The following SNAP47 variants were observed in gnomAD, a reference collection of about 807,000 sequenced individuals.
SNAP47 encodes the protein synaptosome associated protein 47, also known as synaptosomal-associated protein 47.
A neutral mutation model predicts 31.4 loss-of-function variants in SNAP47; 20 were observed. The observed-to-expected ratio is 0.64, with a 90% CI of 0.45 to 0.93. The LOEUF (loss-of-function observed/expected upper bound fraction) is 0.93. Ranked by LOEUF, SNAP47 falls within the 40% of genes least tolerant of loss-of-function variation. The pLI is 0.00. For synonymous variants in SNAP47, 194 were observed against 213.4 expected, an observed-to-expected ratio of 0.91 and a Z score of 0.79; for missense variants, 492 against 528.5, an observed-to-expected ratio of 0.93 and a Z score of 0.68.
At chr1:227,744,621 GT>G in intron 1 of SNAP47, among the ~76,000 whole-genome samples, 1 of 150,962 alleles carries the variant, frequency 6.6e-6, no homozygotes, top group Non-Finnish European at 1.5e-5. Context: ...AGCTTTTGTG[GT>G]TAGGTGTTGT....
upstream of SNAP47, chr1:227,734,113 C>T (rs1397162035): frequency 1.3e-6 from 2 of 1,488,414 alleles, no homozygotes; most frequent in African/African-American, 2.8e-5. Flanking sequence ...GCAACTGAGA[C>T]CAATCGGCTC....
At chr1:227,735,799 A>G in intron 1 of SNAP47, 1 of 864,576 alleles carries the variant, frequency 1.2e-6, no homozygotes, top group Non-Finnish European at 1.4e-6. Flanking sequence ...AGGGTCCTGG[A>G]GGAGATGGTG....
chr1:227,769,504 A>T (rs1466765285), intron 4 of SNAP47, among the ~76,000 whole-genome samples: 1 of 152,082 alleles, frequency 6.6e-6, no homozygotes, highest in Non-Finnish European at 1.5e-5. Flanking sequence ...TGGGGAAAAT[A>T]AAAATGCACG....
intron 1 of SNAP47, among the ~76,000 whole-genome samples, chr1:227,739,734 A>G (rs951638491): frequency 3.3e-5 from 5 of 152,210 alleles, no homozygotes; most frequent in African/African-American, 4.8e-5. Context: ...GTGCTGAGCC[A>G]TCCCTGTGCT....
chr1:227,734,356 A>T, upstream of SNAP47: 1 of 263,982 alleles, frequency 3.8e-6, no homozygotes, highest in Non-Finnish European at 7.0e-6. Flanking sequence ...TCTCTTTAAA[A>T]AAAAAAAAAA....
chr1:227,757,746 A>G (rs539440978), intron 2 of SNAP47, among the ~76,000 whole-genome samples: 3 of 152,356 alleles, frequency 2.0e-5, no homozygotes, highest in Admixed American at 1.3e-4. Context: ...CTAATACTGA[A>G]GCTGTCTACA....
rs908498547 is a variant in SNAP47 at position 227,751,241 on chromosome 1, C to T, written c.497+3008C>T. ...TATGTTCACCTGCGTCGGCCTGCAC[C>T]GCCACGTCTCTCTCCTGCTCAGCAG... On this transcript the variant is annotated intron_variant, in intron 2 of 4. Coordinates refer to ENST00000617596, the MANE Select transcript of SNAP47 (RefSeq NM_053052.4). Among the ~76,000 whole-genome samples, 17 of 152,190 alleles carry T rather than the reference C, an allele frequency of 1.1e-4. 1 individual carries two copies. Among genetic ancestry groups the T allele is most frequent in the Non-Finnish European group, 2.5e-4 (17 of 68,032 alleles).
intron 3 of SNAP47, among the ~76,000 whole-genome samples, chr1:227,759,989 C>A (rs1010566966): frequency 2.0e-5 from 3 of 152,196 alleles, no homozygotes; most frequent in Non-Finnish European, 2.9e-5. Flanking sequence ...GTGTCCGCTT[C>A]CCCCTTGAGT....
At position 227,759,196 on chromosome 1, in the gene SNAP47, T is replaced by A; in HGVS notation, c.699T>A (p.Leu233=). 1 of 1,614,210 alleles carries A rather than the reference T, an allele frequency of 6.2e-7. No homozygotes were observed. Among genetic ancestry groups the A allele is most frequent in the African/African-American group, 1.3e-5 (1 of 75,058 alleles). The change falls in exon 3 of 5, where the codon CTT becomes CTA. Residue 233 remains leucine, a synonymous_variant. Coordinates refer to ENST00000617596, the MANE Select transcript of SNAP47 (RefSeq NM_053052.4). ...TTAAACCAGGGAGGCTCACCGTCCT[T>A]GTGTCTGGGTTGGAAATACATGACT... The part of the protein sequence containing the change: ...SHVKPGRLTV[L]VSGLEIHDSS...
rs1180861092 is a variant in SNAP47, at chr1:227,763,930, G to GT, written c.989-3028dup. The stretch of plus-strand genomic sequence containing the variant: ...GCACTGGCAGTGAAGACAGAGCTGT[G>GT]TCTTGCACAGGGGCCTGTGGCCTCA... On this transcript the variant is annotated intron_variant, in intron 3 of 4. Transcript: ENST00000617596. This position sits in a 1 kb window ranked among gnomAD's most constrained non-coding sequence, Gnocchi z 4.2. Among the ~76,000 whole-genome samples, 2 of 152,184 alleles carry GT rather than the reference G, an allele frequency of 1.3e-5. No homozygotes were observed. Among genetic ancestry groups the GT allele is most frequent in the African/African-American group, 4.8e-5 (2 of 41,438 alleles).
At chr1:227,736,695 T>G (rs1285517138) in intron 1 of SNAP47, among the ~76,000 whole-genome samples, 7 of 146,150 alleles carry the variant, frequency 4.8e-5, no homozygotes, top group Non-Finnish European at 7.6e-5. Flanking sequence ...TGTTTTTTTT[T>G]TTTTTTTTTG....
At chr1:227,733,771 G>A (rs1426056429), upstream of SNAP47, 2 of 1,587,430 alleles carry the variant, frequency 1.3e-6, no homozygotes, top group Admixed American at 1.7e-5. Flanking sequence ...CTGAAGGAGG[G>A]GTGGCCCCTT....
chr1:227,746,820 G>C (rs1288300399), intron 1 of SNAP47: 1 of 152,254 alleles, frequency 6.6e-6, no homozygotes, highest in Admixed American at 6.5e-5. Flanking sequence ...TTTCTCTGCT[G>C]TCAGAACCTT....
At chr1:227,767,559 T>G (rs547280994) in intron 4 of SNAP47, among the ~76,000 whole-genome samples, 1 of 151,984 alleles carries the variant, frequency 6.6e-6, no homozygotes, top group Non-Finnish European at 1.5e-5. Context: ...GTGTGTGTTG[T>G]GTGTGTTGTG....
At chr1:227,777,172 T>C in intron 4 of SNAP47, 5 of 782,048 alleles carry the variant, frequency 6.4e-6, no homozygotes, top group Non-Finnish European at 7.8e-6. Context: ...ACAATATTTT[T>C]AGGTTGAGAA....
At chr1:227,739,637 A>G (rs1176801866) in intron 1 of SNAP47, among the ~76,000 whole-genome samples, 1 of 152,194 alleles carries the variant, frequency 6.6e-6, no homozygotes, top group East Asian at 1.9e-4. Context: ...AACTAAAAAT[A>G]AGTTGTTTAC....
At chr1:227,750,016 C>T (rs143084967) in intron 2 of SNAP47, among the ~76,000 whole-genome samples, 3 of 152,386 alleles carry the variant, frequency 2.0e-5, no homozygotes, top group Non-Finnish European at 4.4e-5. Context: ...CCTGGAATCC[C>T]GCCTTGGCAT....
intron 2 of SNAP47, among the ~76,000 whole-genome samples, chr1:227,755,119 G>A (rs919598376): frequency 1.3e-5 from 2 of 152,118 alleles, no homozygotes; most frequent in African/African-American, 2.4e-5. Flanking sequence ...CTCTAAGTGC[G>A]GCCACCTATA....
In SNAP47 at chr1:227,763,349, C is replaced by T. The variant is rs190227248; in HGVS notation, c.989-3610C>T. ...AAGGCCTGCCTGGGCTTCCAGCTCCCTGATGACAGCCTTGCCTGTACCTCT... is the reference window on the plus strand; with the variant it reads ...AAGGCCTGCCTGGGCTTCCAGCTCCTTGATGACAGCCTTGCCTGTACCTCT... On this transcript the variant is annotated intron_variant, in intron 3 of 4. Coordinates refer to ENST00000617596, the MANE Select transcript of SNAP47 (RefSeq NM_053052.4). The surrounding 1 kb of genome is among the most constrained non-coding windows in gnomAD (Gnocchi z 4.2). 2.3e-3 allele frequency among the ~76,000 whole-genome samples: 354 copies of T among 152,332 alleles called. No individual in the cohort carries two copies. Among genetic ancestry groups the T allele is most frequent in the Non-Finnish European group, 4.1e-3 (282 of 68,026 alleles).
Sources: gnomAD v4.1 joint callset for allele counts (sites outside exome capture counted in the v4.1 genomes callset) on GRCh38, gnomAD v4.1.1 for gene constraint, Gnocchi (gnomAD v3.1) non-coding constraint, MANE v1.5 for transcripts, NCBI Gene and HGNC (gene_info 2026-07-23, HGNC 2026-07-21) for gene names.